PTPRD: variants seen among roughly 807,000 people sequenced by gnomAD.
PTPRD encodes the protein receptor-type tyrosine-protein phosphatase delta.
A neutral mutation model predicts 214.5 loss-of-function variants in PTPRD; 34 were observed. The observed-to-expected ratio is 0.16, with a 90% CI of 0.12 to 0.21. The LOEUF is 0.21. PTPRD is among the 10% of genes least tolerant of loss of function. The pLI is 1.00. For missense variants in PTPRD, 2,545 were observed against 2,398.7 expected (o/e 1.06, Z -1.27); for synonymous variants, 1,128 against 845.7 (o/e 1.33, Z -5.79).
chr9:10,541,615 AAT>A (rs1236156822), intron 2 of PTPRD, among the ~76,000 whole-genome samples: 2 of 151,918 alleles, frequency 1.3e-5, no homozygotes, highest in Admixed American at 6.6e-5. Context: ...ATATTAAATA[AAT>A]ATATGTTTGT....
At chr9:9,489,602 G>T (rs1328451458) in intron 8 of PTPRD, among the ~76,000 whole-genome samples, 3 of 152,004 alleles carry the variant, frequency 2.0e-5, no homozygotes, top group Admixed American at 6.6e-5. Context: ...TTCTGGAGCT[G>T]AAAACTATAA....
chr9:9,250,881 T>C (rs1458405843), intron 9 of PTPRD, among the ~76,000 whole-genome samples: 1 of 152,122 alleles, frequency 6.6e-6, no homozygotes, highest in Non-Finnish European at 1.5e-5. Context: ...TTTATTTATT[T>C]GAATTCTTTA....
At chr9:8,951,809 C>G (rs148370582) in intron 11 of PTPRD, among the ~76,000 whole-genome samples, 2 of 152,018 alleles carry the variant, frequency 1.3e-5, no homozygotes, top group Admixed American at 6.6e-5. Flanking sequence ...CATTTTGTTT[C>G]TCTAATTCCA....
At chr9:8,428,655 G>A (rs553455907) in intron 35 of PTPRD, among the ~76,000 whole-genome samples, 1 of 152,084 alleles carries the variant, frequency 6.6e-6, no homozygotes, top group East Asian at 1.9e-4. Flanking sequence ...CAGTGCATTC[G>A]AAGTTGGCCA....
intron 33 of PTPRD, among the ~76,000 whole-genome samples, chr9:8,455,353 A>G (rs886648046): frequency 6.6e-6 from 1 of 152,206 alleles, no homozygotes; most frequent in African/African-American, 2.4e-5. Flanking sequence ...TGTGAACACA[A>G]CTAGTTCATG....
At chr9:10,170,670 G>A (rs192753898) in intron 3 of PTPRD, among the ~76,000 whole-genome samples, 1 of 152,192 alleles carries the variant, frequency 6.6e-6, no homozygotes. Context: ...CTGGGCGACA[G>A]AGCAAGACTC....
rs184546133 is a variant in PTPRD at position 8,339,793 on chromosome 9, G to C, written c.5253+550C>G. 4.5e-3 allele frequency among the ~76,000 whole-genome samples: 679 copies of C among 151,178 alleles called. 2 individuals carry two copies. Among genetic ancestry groups the C allele is most frequent in the African/African-American group, 0.015 (634 of 41,222 alleles). ...TCATAGTGGTAGAGCAGTATTAATA[G>C]TAGAAACCTTAAGTATTTCTAATAC... On this transcript the variant is annotated intron_variant, in intron 42 of 45. Coordinates refer to ENST00000381196, the MANE Select transcript of PTPRD (RefSeq NM_002839.4).
At chr9:8,536,564 T>C (rs867463146) in intron 14 of PTPRD, among the ~76,000 whole-genome samples, 1 of 151,862 alleles carries the variant, frequency 6.6e-6, no homozygotes, top group Non-Finnish European at 1.5e-5. Flanking sequence ...AGATGAGAAA[T>C]GGAAGAGTGT....
intron 4 of PTPRD, among the ~76,000 whole-genome samples, chr9:10,007,622 T>A (rs994660691): frequency 3.9e-5 from 6 of 151,944 alleles, no homozygotes; most frequent in Non-Finnish European, 8.8e-5. Flanking sequence ...CTCTTCCACA[T>A]CAAAATTGTT....
intron 5 of PTPRD, among the ~76,000 whole-genome samples, chr9:9,892,311 G>A (rs375304107): frequency 1.3e-5 from 2 of 152,048 alleles, no homozygotes; most frequent in Non-Finnish European, 2.9e-5. Flanking sequence ...AGGAGGTGAA[G>A]GAACAGTCCC....
At chr9:9,840,078 C>T (rs2057910315) in intron 5 of PTPRD, among the ~76,000 whole-genome samples, 1 of 151,960 alleles carries the variant, frequency 6.6e-6, no homozygotes, top group South Asian at 2.1e-4. Context: ...CGCTCTGTCA[C>T]CCAGGCTGAA....
intron 14 of PTPRD, among the ~76,000 whole-genome samples, chr9:8,620,548 G>A (rs1428280958): frequency 6.6e-6 from 1 of 151,968 alleles, no homozygotes. Flanking sequence ...GCAATGAGAG[G>A]AGATAGAAAC....
chr9:10,407,819 G>C (rs1324124959), intron 2 of PTPRD, among the ~76,000 whole-genome samples: 1 of 151,370 alleles, frequency 6.6e-6, no homozygotes, highest in Non-Finnish European at 1.5e-5. Context: ...ATTGTATTTT[G>C]TTCCAGAATG....
intron 3 of PTPRD, among the ~76,000 whole-genome samples, chr9:10,335,953 G>C (rs552308348): frequency 6.6e-6 from 1 of 151,768 alleles, no homozygotes; most frequent in Non-Finnish European, 1.5e-5. Context: ...ATGCTGTCAA[G>C]GATGTGGAAC....
intron 9 of PTPRD, among the ~76,000 whole-genome samples, chr9:9,211,840 T>A (rs994488329): frequency 2.0e-5 from 3 of 152,052 alleles, no homozygotes; most frequent in Admixed American, 1.3e-4. Flanking sequence ...AAGAACTTTA[T>A]TTTCAGCCAG....
chr9:9,165,904 T>C (rs1383538456), intron 10 of PTPRD, among the ~76,000 whole-genome samples: 1 of 152,184 alleles, frequency 6.6e-6, no homozygotes, highest in Non-Finnish European at 1.5e-5. Flanking sequence ...AATGTAATAA[T>C]AAAACAACCA....
intron 10 of PTPRD, among the ~76,000 whole-genome samples, chr9:9,130,865 TC>T (rs1487432515): frequency 6.6e-6 from 1 of 152,170 alleles, no homozygotes; most frequent in Non-Finnish European, 1.5e-5. Context: ...AGGAACAGAT[TC>T]CAAAATTACT....
chr9:8,604,238 C>A (rs976007447), intron 14 of PTPRD, among the ~76,000 whole-genome samples: 1 of 152,062 alleles, frequency 6.6e-6, no homozygotes, highest in African/African-American at 2.4e-5. Context: ...AAGGTATAGT[C>A]GAGGAAAGAG....
intron 8 of PTPRD, among the ~76,000 whole-genome samples, chr9:9,534,901 C>T (rs920905140): frequency 2.0e-5 from 3 of 152,082 alleles, no homozygotes; most frequent in East Asian, 1.9e-4. Context: ...TTTATTTATT[C>T]AGTGCGTATC....
Sources: gnomAD v4.1 joint callset for allele counts (sites outside exome capture counted in the v4.1 genomes callset) on GRCh38, gnomAD v4.1.1 for gene constraint, MANE v1.5 for transcripts, NCBI Gene and HGNC (gene_info 2026-07-23, HGNC 2026-07-21) for gene names.